LPP: variants seen among roughly 807,000 people sequenced by gnomAD.
LPP encodes lipoma-preferred partner.
A neutral mutation model predicts 60.4 loss-of-function variants in LPP; 38 were observed. The ratio of observed to expected loss-of-function variants is 0.63; its 90% confidence interval spans 0.49 to 0.83. The LOEUF is 0.83. Among genes scored for constraint, LPP ranks in the 40% least tolerant of loss-of-function variants. LPP has a pLI of 0.00. For synonymous variants in LPP, 328 were observed against 290.8 expected, an observed-to-expected ratio of 1.13 and a Z score of -1.30; for missense variants, 902 against 783.6, an observed-to-expected ratio of 1.15 and a Z score of -1.80.
At chr3:188,759,979 A>C in intron 8 of LPP, 134 bp from the exon 9 acceptor site, 1 of 679,188 alleles carries the variant, frequency 1.5e-6, no homozygotes, top group South Asian at 1.8e-5. Context: ...ATGGGGTAAT[A>C]GTACTGGGGT....
Position 188,609,563 on chromosome 3 carries a change from C to A in LPP, c.832C>A (p.Pro278Thr), listed in dbSNP as rs1470304067. 10 of 1,614,078 alleles carry A rather than the reference C, an allele frequency of 6.2e-6. No homozygotes were observed. The highest frequency in any genetic ancestry group is 8.5e-6 in the Non-Finnish European group (10 of 1,180,048). The change falls in exon 7 of 12, where the codon CCA becomes ACA. Residue 278 changes from proline (P) to threonine (T), a missense_variant. Physicochemically the swap from Pro to Thr is conservative, Grantham distance 38. Transcript: ENST00000617246. The surrounding 1 kb of genome is among the most constrained non-coding windows in gnomAD (Gnocchi z 6.9). ...RGGMDYAYIP[P>T]PGLQPEPGYG... ...AGGCATGGATTATGCCTACATTCCA[C>A]CACCAGGACTTCAGCCGGAGCCTGG...
intron 2 of LPP, among the ~76,000 whole-genome samples, chr3:188,305,509 G>C (rs1207137471): frequency 3.3e-5 from 5 of 152,190 alleles, no homozygotes; most frequent in Non-Finnish European, 1.5e-5. Context: ...GGCTCACAAA[G>C]TGTCAATATT....
chr3:188,343,138 G>A lies in LPP; in HGVS notation c.-10+1419G>A, dbSNP rs147100420. 4.5e-3 allele frequency among the ~76,000 whole-genome samples: 688 copies of A among 152,104 alleles called. 3 individuals are homozygous for A. Among genetic ancestry groups the A allele is most frequent in the African/African-American group, 0.015 (629 of 41,492 alleles). ...ACCCATCATCCAGGTTTTAAGCACC[G>A]CATGCATTAGGTATTTGTCCTTGCC... On this transcript the variant is annotated intron_variant, in intron 3 of 11. Coordinates refer to ENST00000617246, the MANE Select transcript of LPP (RefSeq NM_001375462.1).
chr3:188,688,834 C>T (rs1204710407), intron 7 of LPP: 4 of 525,020 alleles, frequency 7.6e-6, no homozygotes. Context: ...CTGACTTTCC[C>T]ACTAGATTGT....
At chr3:188,171,578 C>T (rs1353488333) in intron 1 of LPP, among the ~76,000 whole-genome samples, 1 of 152,200 alleles carries the variant, frequency 6.6e-6, no homozygotes, top group Non-Finnish European at 1.5e-5. Flanking sequence ...AGCTACAAAT[C>T]TTTCCAAGAG....
intron 2 of LPP, among the ~76,000 whole-genome samples, chr3:188,316,717 T>G (rs892141371): frequency 1.3e-5 from 2 of 152,228 alleles, no homozygotes; most frequent in Admixed American, 6.5e-5. Context: ...TAAAAACCAG[T>G]AGCTTTACTT....
At chr3:188,406,624 C>A (rs1783562432) in intron 4 of LPP, among the ~76,000 whole-genome samples, 1 of 152,206 alleles carries the variant, frequency 6.6e-6, no homozygotes, top group African/African-American at 2.4e-5. Context: ...CCAGCTCATT[C>A]TCTTGTAGGG....
intron 6 of LPP, among the ~76,000 whole-genome samples, chr3:188,558,944 G>T (rs1029883635): frequency 6.6e-6 from 1 of 152,078 alleles, no homozygotes; most frequent in South Asian, 2.1e-4. Flanking sequence ...ATGAGTTTTT[G>T]ATAAAGATCT....
intron 5 of LPP, among the ~76,000 whole-genome samples, chr3:188,522,784 A>T (rs969249552): frequency 4.0e-5 from 5 of 125,304 alleles, no homozygotes; most frequent in Admixed American, 8.1e-5. Flanking sequence ...GATAATATGA[A>T]ATATATATAT....
rs143804605 is a variant in LPP, at chr3:188,589,988, A to G, written c.430-19173A>G. ...TGTTGCAGCATTGTTGTCATGTCTA[A>G]TTTTTGTTTACGTTGCACTGCACAG... On this transcript the variant is annotated intron_variant, in intron 6 of 11. Transcript: ENST00000617246. Among the ~76,000 whole-genome samples, 447 of 152,198 alleles carry G rather than the reference A, an allele frequency of 2.9e-3. 5 individuals are homozygous for G. The highest frequency in any genetic ancestry group is 5.0e-3 in the Non-Finnish European group (342 of 68,004).
At chr3:188,432,322 C>T (rs902098695) in intron 4 of LPP, among the ~76,000 whole-genome samples, 6 of 152,062 alleles carry the variant, frequency 3.9e-5, no homozygotes, top group East Asian at 1.9e-4. Flanking sequence ...ACTGAGCTAC[C>T]GATATCTACT....
intron 6 of LPP, among the ~76,000 whole-genome samples, chr3:188,594,457 T>C (rs1379895250): frequency 1.3e-5 from 2 of 152,188 alleles, no homozygotes; most frequent in African/African-American, 4.8e-5. Flanking sequence ...TTGTAAGACT[T>C]CTGGAATTCT....
chr3:188,381,897 T>G (rs58433330), intron 3 of LPP, among the ~76,000 whole-genome samples: 14,381 of 152,020 alleles, frequency 0.095, 2,127 homozygotes, highest in African/African-American at 0.32. Flanking sequence ...TCCTCTCACC[T>G]CAGCCTCCAG....
chr3:188,436,384 C>T (rs567083952), intron 4 of LPP, among the ~76,000 whole-genome samples: 1 of 152,292 alleles, frequency 6.6e-6, no homozygotes, highest in Non-Finnish European at 1.5e-5. Flanking sequence ...AGGGTGTCAA[C>T]ATCAGAATCA....
chr3:188,274,459 G>A (rs1738951726), intron 2 of LPP, among the ~76,000 whole-genome samples: 1 of 152,138 alleles, frequency 6.6e-6, no homozygotes, highest in East Asian at 1.9e-4. Context: ...CCAGTGCCAG[G>A]TAGCTCTGGC....
At chr3:188,371,641 A>ATATATATATATATATATT (rs1553878071) in intron 3 of LPP, among the ~76,000 whole-genome samples, 1 of 32,170 alleles carries the variant, frequency 3.1e-5, no homozygotes, top group Non-Finnish European at 5.2e-5. Context: ...ATATATATAT[A>ATATATATATATATATATT]TTTTTTTTTT....
At chr3:188,361,422 C>A (rs1769265433) in intron 3 of LPP, among the ~76,000 whole-genome samples, 1 of 149,696 alleles carries the variant, frequency 6.7e-6, no homozygotes, top group South Asian at 2.1e-4. Context: ...CTTTCATTCC[C>A]TTCCTTCCCT....
At chr3:188,199,627 T>C (rs1054800859) in intron 1 of LPP, among the ~76,000 whole-genome samples, 3 of 152,206 alleles carry the variant, frequency 2.0e-5, no homozygotes, top group Admixed American at 2.0e-4. Flanking sequence ...TTAGCGTTTA[T>C]ATTGTCCATA....
At chr3:188,476,918 A>G (rs1803386089) in intron 4 of LPP, among the ~76,000 whole-genome samples, 1 of 152,198 alleles carries the variant, frequency 6.6e-6, no homozygotes, top group Non-Finnish European at 1.5e-5. Flanking sequence ...TGGAATGGCC[A>G]AGCCTTGCCC....
Sources: allele counts gnomAD v4.1 joint callset (sites outside exome capture counted in the v4.1 genomes callset), GRCh38; gene constraint gnomAD v4.1.1; non-coding constraint Gnocchi (gnomAD v3.1); transcripts MANE v1.5; gene names NCBI Gene and HGNC (gene_info 2026-07-23, HGNC 2026-07-21).